Variants in PC observed in about 807,000 individuals in gnomAD.
PC encodes pyruvate carboxylase, mitochondrial.
In PC, 46 loss-of-function variants were observed where a neutral mutation model predicts 107.8. That is an observed-to-expected ratio of 0.43 (90% CI 0.34 to 0.55). The LOEUF (loss-of-function observed/expected upper bound fraction) is 0.55, where lower values mean the gene tolerates loss of function less well. PC is among the 20% of genes least tolerant of loss of function. The pLI, the probability that PC is intolerant of heterozygous loss-of-function variation, is 0.04. For missense variants in PC, 1,241 were observed against 1,643.1 expected (o/e 0.76, Z 4.23); for synonymous variants, 662 against 684.7 (o/e 0.97, Z 0.52).
intron 3 of PC, among the ~76,000 whole-genome samples, chr11:66,950,103 A>G (rs1237761840): frequency 6.6e-6 from 1 of 152,236 alleles, no homozygotes; most frequent in Non-Finnish European, 1.5e-5. Flanking sequence ...ACATGAGAAG[A>G]GGCTCCAAAG....
intron 3 of PC, among the ~76,000 whole-genome samples, chr11:66,916,317 C>T (rs1030542632): frequency 7.9e-5 from 12 of 152,130 alleles, no homozygotes; most frequent in South Asian, 2.1e-4. Context: ...ACCTCCTGGG[C>T]GCAGGTGATC....
At chr11:66,908,141 G>A (rs778081886) in intron 3 of PC, among the ~76,000 whole-genome samples, 32 of 152,142 alleles carry the variant, frequency 2.1e-4, no homozygotes, top group East Asian at 9.7e-4. Flanking sequence ...AGTGGTGTTC[G>A]AGTTTCACAA....
chr11:66,857,734 G>C lies in PC; in HGVS notation c.1369-4351C>G, dbSNP rs780690254. 6.3e-7 allele frequency: 1 copy of C among 1,584,808 alleles called. No individual in the cohort carries two copies. The highest frequency in any genetic ancestry group is 8.5e-7 in the Non-Finnish European group (1 of 1,171,752). The stretch of plus-strand genomic sequence containing the variant: ...GCCTGGGCTGTGGCCCCTTCCTACA[G>C]GGCGCTCACCATGGCCCCGCCGCTC... On this transcript the variant is annotated intron_variant, in intron 12 of 22. Coordinates refer to ENST00000393960, the MANE Select transcript of PC (RefSeq NM_001040716.2). The surrounding 1 kb of genome is among the most constrained non-coding windows in gnomAD (Gnocchi z 7.1).
At chr11:66,855,424 C>T (rs1372580284) in intron 12 of PC, among the ~76,000 whole-genome samples, 3 of 152,184 alleles carry the variant, frequency 2.0e-5, no homozygotes, top group South Asian at 2.1e-4. Flanking sequence ...ATGCGATTCT[C>T]GTGCCTCATC....
At chr11:66,867,740 G>A (rs1439810026) in intron 10 of PC, among the ~76,000 whole-genome samples, 12 of 152,216 alleles carry the variant, frequency 7.9e-5, no homozygotes, top group Admixed American at 3.3e-4. Context: ...CTAACAGGAC[G>A]CTCTAAGCAG....
intron 3 of PC, 24 bp from the exon 4 acceptor site, chr11:66,872,183 G>C: frequency 6.4e-7 from 1 of 1,568,544 alleles, no homozygotes; most frequent in East Asian, 2.4e-5. Flanking sequence ...TTAGAGCCCA[G>C]GTTAGCGCAG....
chr11:66,949,689 A>C (rs1949393236), intron 3 of PC, among the ~76,000 whole-genome samples: 1 of 152,182 alleles, frequency 6.6e-6, no homozygotes, highest in African/African-American at 2.4e-5. Flanking sequence ...AATAAATAAA[A>C]GCCCCCTGAA....
Position 66,849,048 on chromosome 11 carries a change from TG to T in PC, c.3387del (p.Lys1130ArgfsTer14), listed in dbSNP as rs2135783409. On this transcript the variant is annotated frameshift_variant, in exon 23 of 23. Transcript: ENST00000393960. LOFTEE classifies it high-confidence loss of function. ...KVIDIKVVAGAKVAKGQPLCV... is the reference protein window; with the variant it reads ...KVIDIKVVAGXKVAKGQPLCV... ...CACAGGGGCTGGCCCTTGGCCACCT[TG>T]GCCCCTGCCACCACTTTGATGTCTA... 6.2e-7 allele frequency: 1 copy of T among 1,614,044 alleles called. No individual in the cohort carries two copies. Among genetic ancestry groups the T allele is most frequent in the Non-Finnish European group, 8.5e-7 (1 of 1,180,026 alleles).
At chr11:66,923,299 T>G in intron 3 of PC, among the ~76,000 whole-genome samples, 1 of 147,366 alleles carries the variant, frequency 6.8e-6, no homozygotes, top group African/African-American at 2.5e-5. Context: ...GAGGCGGAGG[T>G]TGCAGTGAGC....
At chr11:66,928,713 C>T (rs560402389) in intron 3 of PC, among the ~76,000 whole-genome samples, 2 of 151,772 alleles carry the variant, frequency 1.3e-5, no homozygotes, top group African/African-American at 4.8e-5. Context: ...TTAGTATAGA[C>T]GGGGTTTCTC....
At chr11:66,890,332 T>C (rs1156740341) in intron 3 of PC, among the ~76,000 whole-genome samples, 1 of 151,982 alleles carries the variant, frequency 6.6e-6, no homozygotes, top group Non-Finnish European at 1.5e-5. Context: ...TGCTGTTTAA[T>C]GAACCTATGG....
At chr11:66,869,557 G>A (rs1424879600) in intron 9 of PC, among the ~76,000 whole-genome samples, 1 of 152,148 alleles carries the variant, frequency 6.6e-6, no homozygotes, top group Non-Finnish European at 1.5e-5. Flanking sequence ...ATGTGAAATA[G>A]TATAAGCCAG....
At chr11:66,947,764 A>G (rs935604924) in intron 3 of PC, among the ~76,000 whole-genome samples, 1 of 151,092 alleles carries the variant, frequency 6.6e-6, no homozygotes, top group African/African-American at 2.4e-5. Flanking sequence ...AGGAGTCGAG[A>G]CCAGCCTGGC....
intron 3 of PC, among the ~76,000 whole-genome samples, chr11:66,923,831 T>C (rs1591288152): frequency 7.0e-6 from 1 of 142,592 alleles, no homozygotes; most frequent in Admixed American, 7.1e-5. Context: ...ATACAAAGGG[T>C]TTAAAAGGTC....
At chr11:66,856,233 G>C (rs1474688917) in intron 12 of PC, among the ~76,000 whole-genome samples, 2 of 152,266 alleles carry the variant, frequency 1.3e-5, no homozygotes, top group East Asian at 3.8e-4. Flanking sequence ...GCGGGAGGGA[G>C]GGGCCGCAGG....
At position 66,848,550 on chromosome 11, in the gene PC, G is replaced by A. The variant is rs1003972888; in HGVS notation, c.*349C>T. ...GGCAGGGGAAAGCCAGCTTTATTGA[G>A]TAAACTTCCCAGGACCTGGGACATC... On this transcript the variant is annotated 3_prime_UTR_variant, in exon 23 of 23. Transcript: ENST00000393960. 11 of 593,918 alleles carry A rather than the reference G, an allele frequency of 1.9e-5. No homozygotes were observed. Among genetic ancestry groups the A allele is most frequent in the Non-Finnish European group, 3.3e-5 (11 of 333,832 alleles). 36.8% of individuals were successfully genotyped at this position (593,918 alleles called of 1,614,324 possible).
Position 66,858,290 on chromosome 11 carries a change from C to G in PC, c.1369-4907G>C, listed in dbSNP as rs767792134. The G allele has an allele frequency of 3.1e-6, 5 of 1,611,510 alleles. No homozygotes were observed. Among genetic ancestry groups the G allele is most frequent in the Non-Finnish European group, 3.4e-6 (4 of 1,179,898 alleles). On this transcript the variant is annotated intron_variant, in intron 12 of 22. Coordinates refer to ENST00000393960, the MANE Select transcript of PC (RefSeq NM_001040716.2). This position sits in a 1 kb window ranked among gnomAD's most constrained non-coding sequence, Gnocchi z 5.9. Reference sequence around the variant, plus strand: ...TCAACCTGGACCATAACCTTATTGACGCACTGCCCCCAGGCGCCTTCGCCC... The same window carrying G: ...TCAACCTGGACCATAACCTTATTGAGGCACTGCCCCCAGGCGCCTTCGCCC...
rs1003927000 is a variant in PC at position 66,866,727 on chromosome 11, G to A, written c.1023-378C>T. 6.6e-6 allele frequency among the ~76,000 whole-genome samples: 1 copy of A among 152,160 alleles called. No individual in the cohort carries two copies. The highest frequency in any genetic ancestry group is 2.4e-5 in the African/African-American group (1 of 41,430). ...CTCCCCTAAACTCCCCCTTGGTAAAGCCTAGATTTGAAGCCTCAGCAGATC... is the reference window on the plus strand; with the variant it reads ...CTCCCCTAAACTCCCCCTTGGTAAAACCTAGATTTGAAGCCTCAGCAGATC... On this transcript the variant is annotated intron_variant, in intron 10 of 22. Coordinates refer to ENST00000393960, the MANE Select transcript of PC (RefSeq NM_001040716.2). This position sits in a 1 kb window ranked among gnomAD's most constrained non-coding sequence, Gnocchi z 5.4.
At chr11:66,917,221 G>A (rs1948482905) in intron 3 of PC, among the ~76,000 whole-genome samples, 1 of 151,784 alleles carries the variant, frequency 6.6e-6, no homozygotes, top group African/African-American at 2.4e-5. Context: ...ACAGGGGCGC[G>A]CCATCACACC....
Sources: gnomAD v4.1 joint callset for allele counts (sites outside exome capture counted in the v4.1 genomes callset) on GRCh38, gnomAD v4.1.1 for gene constraint, Gnocchi (gnomAD v3.1) non-coding constraint, MANE v1.5 for transcripts, NCBI Gene and HGNC (gene_info 2026-07-23, HGNC 2026-07-21) for gene names.